SMYD3: variants seen among roughly 807,000 people sequenced by gnomAD.
SMYD3 encodes the protein SET and MYND domain containing 3, also known as histone-lysine N-methyltransferase SMYD3.
SMYD3 carries 36 observed loss-of-function variants against 57.7 expected under a neutral mutation model. The ratio of observed to expected loss-of-function variants is 0.62; its 90% CI spans 0.48 to 0.82. The LOEUF is 0.82. SMYD3 is among the 40% of genes least tolerant of loss of function. The pLI, the probability that SMYD3 is intolerant of heterozygous loss-of-function variation, is 0.00. For missense variants in SMYD3, 515 were observed against 538.8 expected (o/e 0.96, Z 0.44); for synonymous variants, 211 against 195.0 (o/e 1.08, Z -0.68).
intron 10 of SMYD3, among the ~76,000 whole-genome samples, 198 bp downstream of exon 10, chr1:245,858,290 TGGAAGGAA>T (rs1351090087): frequency 4.6e-5 from 7 of 152,336 alleles, no homozygotes; most frequent in African/African-American, 1.7e-4. Flanking sequence ...GTCTGACACA[TGGAAGGAA>T]CTTTACAAAT....
intron 5 of SMYD3, among the ~76,000 whole-genome samples, chr1:246,241,788 C>G (rs1223046370): frequency 1.3e-5 from 2 of 152,158 alleles, no homozygotes; most frequent in Non-Finnish European, 2.9e-5. Context: ...TTGGTCTATT[C>G]AGAGATTCAA....
chr1:246,067,161 C>T lies in SMYD3; in HGVS notation c.532-137224G>A, dbSNP rs148837142. Among the ~76,000 whole-genome samples the T allele has an allele frequency of 3.3e-5, 5 of 152,252 alleles. No homozygotes were observed. In the East Asian group the frequency reaches 5.8e-4, roughly 18 times the overall value. On this transcript the variant is annotated intron_variant, in intron 5 of 11. Transcript: ENST00000490107. ...GAAGGACTGTATATGTCACAAAGAT[C>T]GTGATTCTCTTCAGTGATAAAATCA...
intron 5 of SMYD3, among the ~76,000 whole-genome samples, chr1:246,259,735 G>C (rs2063968251): frequency 6.6e-6 from 1 of 152,186 alleles, no homozygotes; most frequent in Admixed American, 6.5e-5. Context: ...AAGGGCATGG[G>C]GCCAGACTGG....
intron 1 of SMYD3, among the ~76,000 whole-genome samples, chr1:246,383,892 G>A (rs12733857): frequency 0.52 from 79,444 of 152,002 alleles, 21,523 homozygotes; most frequent in Middle Eastern, 0.7. Flanking sequence ...CTCTGTTATT[G>A]ATATCTTCAA....
At chr1:246,279,222 G>A (rs1382898651) in intron 5 of SMYD3, among the ~76,000 whole-genome samples, 1 of 152,136 alleles carries the variant, frequency 6.6e-6, no homozygotes. Context: ...AAGCTACAAT[G>A]TAAGATTGTT....
At chr1:245,991,633 T>C (rs896871849) in intron 5 of SMYD3, among the ~76,000 whole-genome samples, 11 of 152,256 alleles carry the variant, frequency 7.2e-5, no homozygotes, top group Admixed American at 6.5e-4. Context: ...GGGCTTGGGT[T>C]ACTTGCCAGG....
At chr1:246,365,460 A>C (rs2066083139) in intron 1 of SMYD3, among the ~76,000 whole-genome samples, 2 of 144,850 alleles carry the variant, frequency 1.4e-5, no homozygotes, top group Non-Finnish European at 3.0e-5. Context: ...ACACCACTGC[A>C]CTCCAGCCTG....
intron 5 of SMYD3, among the ~76,000 whole-genome samples, chr1:245,945,669 A>G (rs1043770591): frequency 2.0e-5 from 3 of 152,168 alleles, no homozygotes; most frequent in African/African-American, 7.2e-5. Context: ...ATGCATGTCT[A>G]TTTTCTTTGC....
chr1:245,884,886 G>T (rs899359363), intron 8 of SMYD3, among the ~76,000 whole-genome samples: 6 of 151,826 alleles, frequency 4.0e-5, no homozygotes, highest in African/African-American at 1.5e-4. Context: ...GGGAATAAAA[G>T]CTAGCCACCT....
At position 246,330,514 on chromosome 1, in the gene SMYD3, TG is replaced by T; in HGVS notation, c.359del (p.Ser120Ter). On this transcript the variant is annotated frameshift_variant, in exon 4 of 12. Transcript: ENST00000490107. LOFTEE classifies it high-confidence loss of function. Reference protein sequence around the residue: ...FKLMDGAPSESEKLYSFYDLE... With the variant: ...FKLMDGAPSEXEKLYSFYDLE... ...GATCATAAAATGAGTAAAGCTTCTC[TG>T]ATTCTGAAGGTGCTCCATCCATCTG... 1 of 1,596,280 alleles carries T rather than the reference TG, an allele frequency of 6.3e-7. No homozygotes were observed. Among genetic ancestry groups the T allele is most frequent in the Admixed American group, 1.7e-5 (1 of 57,684 alleles).
chr1:246,455,454 G>C (rs2067689001), intron 1 of SMYD3, among the ~76,000 whole-genome samples: 1 of 152,154 alleles, frequency 6.6e-6, no homozygotes, highest in Non-Finnish European at 1.5e-5. Context: ...CACAAAGCAA[G>C]ATATAACCAG....
At chr1:245,800,868 C>T (rs557660891) in intron 10 of SMYD3, among the ~76,000 whole-genome samples, 13 of 152,282 alleles carry the variant, frequency 8.5e-5, no homozygotes, top group African/African-American at 2.6e-4. Flanking sequence ...ATACCACCTT[C>T]CTGATGACAA....
At chr1:245,917,239 C>T (rs543132972) in intron 7 of SMYD3, among the ~76,000 whole-genome samples, 2 of 152,218 alleles carry the variant, frequency 1.3e-5, no homozygotes, top group African/African-American at 4.8e-5. Context: ...GCCATGCTAC[C>T]CAGGCTGGTC....
intron 8 of SMYD3, among the ~76,000 whole-genome samples, chr1:245,875,823 T>C (rs1039908217): frequency 6.6e-5 from 10 of 152,246 alleles, no homozygotes; most frequent in African/African-American, 2.2e-4. Flanking sequence ...CTTTTGAGAC[T>C]ACTCTGAAAG....
chr1:246,218,193 T>C (rs375739015), intron 5 of SMYD3, among the ~76,000 whole-genome samples: 7 of 147,276 alleles, frequency 4.8e-5, no homozygotes, highest in East Asian at 2.0e-4. Context: ...TTATAACACA[T>C]AAAAAACTGA....
chr1:246,090,524 T>TC, intron 5 of SMYD3, among the ~76,000 whole-genome samples: 1 of 145,166 alleles, frequency 6.9e-6, no homozygotes, highest in Non-Finnish European at 1.5e-5. Context: ...CTCTCTCTCT[T>TC]TTTTTTTTTT....
chr1:246,085,456 C>T (rs945110887), intron 5 of SMYD3, among the ~76,000 whole-genome samples: 10 of 152,114 alleles, frequency 6.6e-5, no homozygotes, highest in South Asian at 2.1e-4. Context: ...ATCTTTCCTA[C>T]GTTTTATGAC....
At chr1:246,065,329 G>A (rs776883151) in intron 5 of SMYD3, among the ~76,000 whole-genome samples, 6 of 152,162 alleles carry the variant, frequency 3.9e-5, no homozygotes, top group African/African-American at 1.2e-4. Flanking sequence ...GGACAGATGC[G>A]CGCCTTACTT....
intron 3 of SMYD3, among the ~76,000 whole-genome samples, chr1:246,334,526 A>C (rs182279892): frequency 6.6e-6 from 1 of 152,298 alleles, no homozygotes; most frequent in East Asian, 1.9e-4. Flanking sequence ...ACATGGACAC[A>C]AAGATGGGAA....
Sources: allele counts gnomAD v4.1 joint callset (sites outside exome capture counted in the v4.1 genomes callset), GRCh38; gene constraint gnomAD v4.1.1; transcripts MANE v1.5; gene names NCBI Gene and HGNC (gene_info 2026-07-23, HGNC 2026-07-21).